FERRY3: variants seen among roughly 807,000 people sequenced by gnomAD.
FERRY3 encodes the protein FERRY endosomal RAB5 effector complex subunit 3, also known as protein C12orf4.
the FERRY3 span, among the ~76,000 whole-genome samples, chr12:4,518,425 C>T: frequency 1.3e-5 from 2 of 151,946 alleles, no homozygotes; most frequent in African/African-American, 4.8e-5. Flanking sequence ...AATCTATCTG[C>T]AAAAAACATT....
chr12:4,531,500 A>G, the FERRY3 span, among the ~76,000 whole-genome samples: 1 of 152,338 alleles, frequency 6.6e-6, no homozygotes, highest in East Asian at 1.9e-4. Flanking sequence ...GAAGATACCT[A>G]CGTGAGAAGA....
the FERRY3 span, chr12:4,525,063 T>C: frequency 1.7e-6 from 1 of 604,398 alleles, no homozygotes; most frequent in Non-Finnish European, 2.7e-6. Context: ...AACTAACCAA[T>C]AACCATTGCC....
chr12:4,509,620 A>AC, the FERRY3 span, among the ~76,000 whole-genome samples: 64 of 142,822 alleles, frequency 4.5e-4, 2 homozygotes, highest in East Asian at 3.3e-3. Flanking sequence ...ACTGGGAGGC[A>AC]CCCCCCGGCA....
chr12:4,503,675 T>G, the FERRY3 span, among the ~76,000 whole-genome samples: 1 of 152,310 alleles, frequency 6.6e-6, no homozygotes, highest in Non-Finnish European at 1.5e-5. Flanking sequence ...CCTGATTTGG[T>G]TGTAATACAG....
chr12:4,505,423 T>C, the FERRY3 span: 1 of 1,346,098 alleles, frequency 7.4e-7, no homozygotes, highest in South Asian at 1.2e-5. Flanking sequence ...TAACAACATA[T>C]GAGAATATGT....
the FERRY3 span, among the ~76,000 whole-genome samples, chr12:4,509,657 G>A: frequency 1.4e-5 from 2 of 143,538 alleles, no homozygotes; most frequent in African/African-American, 2.8e-5. Flanking sequence ...TCACACGGCA[G>A]GGTATTCCAA....
At chr12:4,512,394 G>T in the FERRY3 span, among the ~76,000 whole-genome samples, 1 of 152,224 alleles carries the variant, frequency 6.6e-6, no homozygotes, top group Non-Finnish European at 1.5e-5. Context: ...ATTTTATGAG[G>T]CCAGCATCAT....
chr12:4,509,865 T>C, the FERRY3 span, among the ~76,000 whole-genome samples: 8 of 139,316 alleles, frequency 5.7e-5, no homozygotes, highest in East Asian at 3.9e-4. Flanking sequence ...AGGAACGCAG[T>C]TCCTCACCAG....
chr12:4,509,875 G>A, the FERRY3 span, among the ~76,000 whole-genome samples: 1 of 139,690 alleles, frequency 7.2e-6, no homozygotes, highest in Non-Finnish European at 1.5e-5. Context: ...TTCCTCACCA[G>A]CAATGGAACA....
At chr12:4,533,982 G>A in the FERRY3 span, 1 of 538,768 alleles carries the variant, frequency 1.9e-6, no homozygotes, top group Non-Finnish European at 2.9e-6. Context: ...ATAGCATTTT[G>A]TCTTATGTGC....
At chr12:4,512,615 TA>T in the FERRY3 span, among the ~76,000 whole-genome samples, 1 of 151,420 alleles carries the variant, frequency 6.6e-6, no homozygotes, top group African/African-American at 2.4e-5. Flanking sequence ...TAATCCAGCA[TA>T]TAAACAAAGC....
chr12:4,503,028 G>A, the FERRY3 span, among the ~76,000 whole-genome samples: 4 of 152,310 alleles, frequency 2.6e-5, no homozygotes, highest in South Asian at 4.1e-4. Context: ...CCAGTGAAGT[G>A]TATTACCTTC....
chr12:4,502,328 C>T, the FERRY3 span: 2 of 417,628 alleles, frequency 4.8e-6, no homozygotes, highest in East Asian at 7.4e-5. This position sits in a 1 kb window ranked among gnomAD's most constrained non-coding sequence, Gnocchi z 4.2. Flanking sequence ...GTAGAAGGTA[C>T]TCGATAAGTA....
the FERRY3 span, among the ~76,000 whole-genome samples, chr12:4,507,989 T>C: frequency 1.1e-3 from 169 of 152,342 alleles, 1 homozygote; most frequent in Middle Eastern, 6.8e-3. Flanking sequence ...TTGTACAGTT[T>C]GAATTGTGAA....
the FERRY3 span, among the ~76,000 whole-genome samples, chr12:4,510,969 A>G: frequency 6.6e-6 from 1 of 152,098 alleles, no homozygotes; most frequent in Non-Finnish European, 1.5e-5. Flanking sequence ...GTCAAGACCC[A>G]TCAGTGTGCT....
the FERRY3 span, among the ~76,000 whole-genome samples, chr12:4,515,340 G>A: frequency 4.6e-5 from 7 of 152,254 alleles, no homozygotes; most frequent in East Asian, 1.9e-4. Flanking sequence ...GTATATATCC[G>A]AAGGAAATGA....
chr12:4,515,176 C>T, the FERRY3 span, among the ~76,000 whole-genome samples: 2 of 152,170 alleles, frequency 1.3e-5, no homozygotes, highest in African/African-American at 4.8e-5. Context: ...CTTTTACCTG[C>T]CTTCCCTTAA....
At chr12:4,492,045 C>T in the FERRY3 span, among the ~76,000 whole-genome samples, 1 of 152,090 alleles carries the variant, frequency 6.6e-6, no homozygotes, top group South Asian at 2.1e-4. Context: ...GAGACCCTTG[C>T]TCTAAAAAAA....
chr12:4,493,486 CTTTGT>C, the FERRY3 span, among the ~76,000 whole-genome samples: 7 of 152,158 alleles, frequency 4.6e-5, no homozygotes, highest in African/African-American at 1.2e-4. Context: ...GTCCAAGACA[CTTTGT>C]TTTAAGATTG....
Sources: gnomAD v4.1 joint callset for allele counts (sites outside exome capture counted in the v4.1 genomes callset) on GRCh38, gnomAD v4.1.1 for gene constraint, Gnocchi (gnomAD v3.1) non-coding constraint, MANE v1.5 for transcripts, NCBI Gene and HGNC (gene_info 2026-07-23, HGNC 2026-07-21) for gene names.